The following TMEM175 variants were observed in gnomAD, a reference collection of about 807,000 sequenced individuals.
TMEM175 encodes the protein transmembrane protein 175.
Under a neutral mutation model 36.5 loss-of-function variants are expected in TMEM175, and 36 were observed. The ratio of observed to expected loss-of-function variants is 0.99; its 90% CI spans 0.76 to 1.30. The LOEUF is 1.30. Among genes scored for constraint, TMEM175 ranks in the 50% most tolerant of loss-of-function variants. TMEM175 has a pLI of 0.00. For missense variants in TMEM175, 705 were observed against 692.8 expected, an observed-to-expected ratio of 1.02 and a Z score of -0.20; for synonymous variants, 339 against 313.4, an observed-to-expected ratio of 1.08 and a Z score of -0.86.
chr4:949,192 C>T (rs1438359251), intron 3 of TMEM175, among the ~76,000 whole-genome samples: 3 of 152,162 alleles, frequency 2.0e-5, no homozygotes, highest in African/African-American at 2.4e-5. Context: ...GCCACATCCA[C>T]CTGTGATGCC....
At position 957,916 on chromosome 4, in the gene TMEM175, C is replaced by T. The variant is rs762817717; in HGVS notation, c.935C>T (p.Ala312Val). Residue 312 changes from alanine (A) to valine (V), a missense_variant, in exon 11 of 11, where the codon GCG becomes GTG. Coordinates refer to ENST00000264771, the MANE Select transcript of TMEM175 (RefSeq NM_032326.4). ...AGTGCGACCGGGCCGCGCTTCCTGG[C>T]GTACTTCGGCTCCTTCGCCACAGTG... ...ALSATGPRFL[A>V]YFGSFATVGL... The T allele has an allele frequency of 1.2e-5, 20 of 1,612,772 alleles. No homozygotes were observed. In the East Asian group the frequency reaches 2.0e-4, roughly 16 times the overall value.
At chr4:940,450 A>G (rs896644050) in intron 1 of TMEM175, among the ~76,000 whole-genome samples, 1 of 131,434 alleles carries the variant, frequency 7.6e-6, no homozygotes, top group East Asian at 2.2e-4. Context: ...CTCGATCTCA[A>G]AAAAAAAAAA....
At chr4:935,128 A>G (rs1299630065) in intron 1 of TMEM175, among the ~76,000 whole-genome samples, 1 of 152,244 alleles carries the variant, frequency 6.6e-6, no homozygotes, top group South Asian at 2.1e-4. Flanking sequence ...ATGAACTTAT[A>G]CTGGCATGAC....
At position 950,532 on chromosome 4, in the gene TMEM175, C is replaced by T. The variant is rs755818571; in HGVS notation, c.290+14C>T. 15 of 1,602,304 alleles carry T rather than the reference C, an allele frequency of 9.4e-6. No individual in the cohort carries two copies. Among genetic ancestry groups the T allele is most frequent in the Admixed American group, 3.3e-5 (2 of 59,926 alleles). ...AGCACACACAAGGTGGGGGCCCGGG[C>T]GCTTCCAGCGGTCCATAGCTGCTCT... On this transcript the variant is annotated intron_variant, in intron 4 of 10. Coordinates refer to ENST00000264771, the MANE Select transcript of TMEM175 (RefSeq NM_032326.4).
At chr4:935,682 A>AT (rs563689911) in intron 1 of TMEM175, among the ~76,000 whole-genome samples, 230 of 152,374 alleles carry the variant, frequency 1.5e-3, no homozygotes, top group African/African-American at 5.4e-3. Flanking sequence ...ATGAATGTTT[A>AT]TGGAACACTC....
chr4:950,958 T>G (rs919755701), intron 4 of TMEM175, among the ~76,000 whole-genome samples: 2 of 151,458 alleles, frequency 1.3e-5, no homozygotes, highest in Non-Finnish European at 2.9e-5. Flanking sequence ...GTGGATGGTG[T>G]GGATGGTGCA....
At chr4:933,967 T>C (rs1726476110) in intron 1 of TMEM175, among the ~76,000 whole-genome samples, 1 of 152,266 alleles carries the variant, frequency 6.6e-6, no homozygotes, top group Non-Finnish European at 1.5e-5. Context: ...TAATAGTTCA[T>C]TGTAGTGAAA....
chr4:941,165 C>T (rs982104954), intron 1 of TMEM175, among the ~76,000 whole-genome samples: 16 of 150,556 alleles, frequency 1.1e-4, no homozygotes, highest in Admixed American at 4.0e-4. Flanking sequence ...ATTACGAGGT[C>T]AGGAGTTCAA....
chr4:958,203 T>G lies in TMEM175; in HGVS notation c.1222T>G (p.Ser408Ala), dbSNP rs757526248. The stretch of plus-strand genomic sequence containing the variant: ...GCACCAGGCGGAGACGCTGCAGCCC[T>G]CGGTGTGGTTTGGCGGCCGGGAGCA... ...LLHQAETLQP[S>A]VWFGGREHVL... is the part of the protein sequence containing the mutation. Residue 408 changes from serine (S) to alanine (A), a missense_variant, in exon 11 of 11, where the codon TCG (serine) becomes GCG (alanine). By Grantham distance (99) the Ser-to-Ala change is moderately conservative. Coordinates refer to ENST00000264771, the MANE Select transcript of TMEM175 (RefSeq NM_032326.4). The G allele has an allele frequency of 6.2e-7, 1 of 1,602,168 alleles. No individual in the cohort carries two copies. The highest frequency in any genetic ancestry group is 8.5e-7 in the Non-Finnish European group (1 of 1,176,664).
rs1329202031 is a variant in TMEM175 at position 952,416 on chromosome 4, T to A, written c.428T>A (p.Phe143Tyr). Residue 143 changes from phenylalanine (F) to tyrosine (Y), a missense_variant, in exon 7 of 11, where the codon TTC (phenylalanine) becomes TAC (tyrosine). Phe to Tyr is a conservative substitution (Grantham distance 22). Transcript: ENST00000264771. ...GATGTGCCTCTGGGCATCTTCTTGT[T>A]CTGTGTGTGTGTGATCGCCATTGGG... is the stretch of plus-strand genomic sequence containing the variant. ...FPDVPLGIFL[F>Y]CVCVIAIGVV... 6.2e-7 allele frequency: 1 copy of A among 1,611,482 alleles called. No homozygotes were observed. The highest frequency in any genetic ancestry group is 8.5e-7 in the Non-Finnish European group (1 of 1,179,940).
intron 1 of TMEM175, among the ~76,000 whole-genome samples, chr4:946,562 C>T (rs952811208): frequency 1.3e-5 from 2 of 152,332 alleles, no homozygotes; most frequent in East Asian, 1.9e-4. Flanking sequence ...AGCAATGGCT[C>T]CTGCAGCCAT....
intron 1 of TMEM175, among the ~76,000 whole-genome samples, chr4:943,498 C>T (rs1218703141): frequency 1.3e-5 from 2 of 152,152 alleles, no homozygotes; most frequent in African/African-American, 2.4e-5. Context: ...GTGATCTGCC[C>T]GCCTCGGCCT....
rs71166902 is a variant in TMEM175 at position 941,007 on chromosome 4, AAATAATAATAATAATAAT to A, written c.-31-6677_-31-6660del. ...GGTGACAGAGTGAGACTCCGTCTCA[AAATAATAATAATAATAAT>A]AATAATAATAATAATAATAATAATG... On this transcript the variant is annotated intron_variant, in intron 1 of 10. Coordinates refer to ENST00000264771, the MANE Select transcript of TMEM175 (RefSeq NM_032326.4). 5.5e-3 allele frequency among the ~76,000 whole-genome samples: 725 copies of A among 131,854 alleles called. 12 individuals are homozygous for A. Among genetic ancestry groups the A allele is most frequent in the African/African-American group, 0.019 (667 of 34,514 alleles). The allele number at this position is 131,854 out of a possible 152,430, so 86.5% of individuals were successfully genotyped here.
chr4:937,686 A>G (rs1259249018), intron 1 of TMEM175, among the ~76,000 whole-genome samples: 1 of 152,254 alleles, frequency 6.6e-6, no homozygotes, highest in Non-Finnish European at 1.5e-5. Context: ...TTCCCACCTC[A>G]TCATTCCTTA....
rs1425717341 is a variant in TMEM175 at position 951,653 on chromosome 4, C to G, written c.343-29C>G. On this transcript the variant is annotated intron_variant, in intron 5 of 10. Coordinates refer to ENST00000264771, the MANE Select transcript of TMEM175 (RefSeq NM_032326.4). ...CCCTGCCCTTCTCCCCAGGCCGCATCATGGCTGTGATGCCCTCCCTCCCTC... is the reference window on the plus strand; with the variant it reads ...CCCTGCCCTTCTCCCCAGGCCGCATGATGGCTGTGATGCCCTCCCTCCCTC... The G allele has an allele frequency of 1.9e-6, 3 of 1,614,038 alleles. No homozygotes were observed. In the African/African-American group the frequency reaches 4.0e-5, roughly 22 times the overall value.
intron 5 of TMEM175, 107 bp from the exon 6 acceptor site, chr4:951,575 C>T: frequency 1.4e-6 from 2 of 1,463,974 alleles, no homozygotes; most frequent in Non-Finnish European, 1.9e-6. Context: ...CTGGCCCACC[C>T]TTCTTGGGGA....
At position 958,153 on chromosome 4, in the gene TMEM175, T is replaced by C; in HGVS notation, c.1172T>C (p.Leu391Pro). 2 of 1,603,482 alleles carry C rather than the reference T, an allele frequency of 1.2e-6. No homozygotes were observed. The highest frequency in any genetic ancestry group is 1.7e-6 in the Non-Finnish European group (2 of 1,179,524). Reference sequence around the variant, plus strand: ...ATCTTCCTGGCCAGCATCTTCCAGCTGGCCATGTGGACCACGGCGCTGCTG... The same window carrying C: ...ATCTTCCTGGCCAGCATCTTCCAGCCGGCCATGTGGACCACGGCGCTGCTG... ...TIIFLASIFQ[L>P]AMWTTALLHQ... The change falls in exon 11 of 11, where the codon CTG becomes CCG. Residue 391 changes from leucine to proline, a missense_variant. By Grantham distance (98) the Leu-to-Pro change is moderately conservative. Coordinates refer to ENST00000264771, the MANE Select transcript of TMEM175 (RefSeq NM_032326.4).
At chr4:954,386 G>A (rs1577442969) in intron 8 of TMEM175, among the ~76,000 whole-genome samples, 2 of 152,374 alleles carry the variant, frequency 1.3e-5, no homozygotes, top group South Asian at 2.1e-4. Context: ...ACCAGTATCT[G>A]CTCATGGGGA....
At chr4:946,496 G>A (rs1306450314) in intron 1 of TMEM175, among the ~76,000 whole-genome samples, 1 of 151,512 alleles carries the variant, frequency 6.6e-6, no homozygotes, top group Non-Finnish European at 1.5e-5. Flanking sequence ...CTGCCCACTC[G>A]GGTGCAGGGT....
Sources: gnomAD v4.1 joint callset for allele counts (sites outside exome capture counted in the v4.1 genomes callset) on GRCh38, gnomAD v4.1.1 for gene constraint, MANE v1.5 for transcripts, NCBI Gene and HGNC (gene_info 2026-07-23, HGNC 2026-07-21) for gene names.